Variants in GABRB1 observed in about 807,000 individuals in gnomAD.
GABRB1 encodes gamma-aminobutyric acid receptor subunit beta-1.
A neutral mutation model predicts 51.6 loss-of-function variants in GABRB1; 17 were observed. The observed-to-expected ratio is 0.33, with a 90% confidence interval of 0.23 to 0.49. The LOEUF is 0.49. Ranked by LOEUF, GABRB1 falls within the 20% of genes least tolerant of loss-of-function variation. The pLI, the probability that GABRB1 is intolerant of heterozygous loss-of-function variation, is 0.99. For synonymous variants in GABRB1, 247 were observed against 218.9 expected, an observed-to-expected ratio of 1.13 and a Z score of -1.14; for missense variants, 410 against 600.6, an observed-to-expected ratio of 0.68 and a Z score of 3.32.
At position 47,223,281 on chromosome 4, in the gene GABRB1, T is replaced by A. The variant is rs79128301; in HGVS notation, c.461+61812T>A. 8.6e-3 allele frequency among the ~76,000 whole-genome samples: 1,314 copies of A among 152,240 alleles called. 59 individuals carry two copies. Among genetic ancestry groups the A allele is most frequent in the Admixed American group, 0.068 (1,038 of 15,264 alleles). ...TTTTACTAAAAGATATCCAGTGGCA[T>A]CTACGCTAGTATTTTTCATTTGTTA... On this transcript the variant is annotated intron_variant, in intron 4 of 8. Coordinates refer to ENST00000295454, the MANE Select transcript of GABRB1 (RefSeq NM_000812.4).
intron 3 of GABRB1, among the ~76,000 whole-genome samples, chr4:47,088,357 A>T (rs577824947): frequency 3.7e-4 from 57 of 152,338 alleles, no homozygotes; most frequent in African/African-American, 1.3e-3. Flanking sequence ...AAAGAAAATA[A>T]TTTTAATTCA....
intron 3 of GABRB1, among the ~76,000 whole-genome samples, chr4:47,156,069 T>C (rs995608252): frequency 2.0e-5 from 3 of 151,628 alleles, no homozygotes; most frequent in Non-Finnish European, 4.4e-5. Flanking sequence ...TATTGTTTCA[T>C]TTCTTTTGGC....
chr4:47,177,018 C>T (rs1718732307), intron 4 of GABRB1, among the ~76,000 whole-genome samples: 1 of 152,136 alleles, frequency 6.6e-6, no homozygotes, highest in African/African-American at 2.4e-5. Context: ...TCATGGCCTA[C>T]AGGCTCAACC....
chr4:47,422,447 C>T (rs552040572), intron 8 of GABRB1, among the ~76,000 whole-genome samples: 1 of 152,314 alleles, frequency 6.6e-6, no homozygotes, highest in Non-Finnish European at 1.5e-5. Context: ...CCCTTGCAAT[C>T]CAGGTTCTGC....
intron 3 of GABRB1, among the ~76,000 whole-genome samples, chr4:47,069,896 T>A (rs1225986474): frequency 6.6e-6 from 1 of 152,164 alleles, no homozygotes; most frequent in Admixed American, 6.6e-5. Flanking sequence ...TTAGCCTCCG[T>A]TTCCGGTACT....
intron 5 of GABRB1, among the ~76,000 whole-genome samples, chr4:47,332,923 G>C (rs967704840): frequency 5.0e-4 from 76 of 151,670 alleles, no homozygotes; most frequent in Non-Finnish European, 7.8e-4. Flanking sequence ...TCCTCTGGCA[G>C]AAGGCTCCAT....
intron 4 of GABRB1, among the ~76,000 whole-genome samples, chr4:47,223,205 AT>A (rs1201355566): frequency 6.6e-6 from 1 of 151,994 alleles, no homozygotes; most frequent in Non-Finnish European, 1.5e-5. Flanking sequence ...TTTTTAATGT[AT>A]TTTTTACCAA....
chr4:47,309,591 A>G (rs538202738), intron 4 of GABRB1, among the ~76,000 whole-genome samples: 198 of 152,134 alleles, frequency 1.3e-3, no homozygotes, highest in Non-Finnish European at 2.4e-3. Context: ...ATATCTCCCA[A>G]TAGCTGAATT....
At chr4:47,130,431 G>A (rs1436196296) in intron 3 of GABRB1, among the ~76,000 whole-genome samples, 1 of 151,138 alleles carries the variant, frequency 6.6e-6, no homozygotes, top group East Asian at 2.0e-4. Flanking sequence ...TTCAGCTCCT[G>A]GAAAATACAG....
At chr4:47,209,912 C>T (rs1401393935) in intron 4 of GABRB1, among the ~76,000 whole-genome samples, 1 of 151,954 alleles carries the variant, frequency 6.6e-6, no homozygotes, top group Admixed American at 6.6e-5. Flanking sequence ...TCTGTTGTGC[C>T]CCTTCCCTCC....
chr4:47,305,506 CTG>C (rs1679414230), intron 4 of GABRB1, among the ~76,000 whole-genome samples: 1 of 152,072 alleles, frequency 6.6e-6, no homozygotes, highest in South Asian at 2.1e-4. Context: ...CACATCAATT[CTG>C]TGTCAGACAC....
intron 4 of GABRB1, among the ~76,000 whole-genome samples, chr4:47,170,782 C>T (rs1302460257): frequency 6.6e-6 from 1 of 152,102 alleles, no homozygotes; most frequent in African/African-American, 2.4e-5. Context: ...GAATAGGTAA[C>T]TCAGTTTATT....
chr4:47,211,627 C>A (rs1019623284), intron 4 of GABRB1, among the ~76,000 whole-genome samples: 4 of 152,182 alleles, frequency 2.6e-5, no homozygotes, highest in Non-Finnish European at 5.9e-5. Flanking sequence ...GCCTCTGTAA[C>A]AAATTACCCC....
intron 4 of GABRB1, among the ~76,000 whole-genome samples, chr4:47,226,995 T>C (rs1720966214): frequency 6.6e-6 from 1 of 152,158 alleles, no homozygotes; most frequent in South Asian, 2.1e-4. Flanking sequence ...TTATTTCAGT[T>C]CACTTTATTT....
chr4:47,302,217 A>G (rs1724287526), intron 4 of GABRB1, among the ~76,000 whole-genome samples: 1 of 152,160 alleles, frequency 6.6e-6, no homozygotes, highest in Non-Finnish European at 1.5e-5. Flanking sequence ...TAATATATGT[A>G]AAGTGCTTAG....
intron 1 of GABRB1, among the ~76,000 whole-genome samples, chr4:47,009,286 T>C (rs767002487): frequency 3.3e-5 from 5 of 151,366 alleles, no homozygotes; most frequent in Non-Finnish European, 7.4e-5. Context: ...GTTAAATATA[T>C]GTTTTTGTAT....
rs750683108 is a variant in GABRB1, at chr4:47,031,699, T to C, written c.48T>C (p.Pro16=). The change falls in exon 1 of 9, where the codon CCT becomes CCC. Residue 16 remains proline, a synonymous_variant. Transcript: ENST00000295454. ...AGAGTCTGGGGCTTCTCTCTTTCCCTGTGATGATTACCATGGTCTGTTGTG... is the reference window on the plus strand; with the variant it reads ...AGAGTCTGGGGCTTCTCTCTTTCCCCGTGATGATTACCATGGTCTGTTGTG... The part of the protein sequence containing the change: ...NRESLGLLSF[P]VMITMVCCAH... 1 of 1,614,066 alleles carries C rather than the reference T, an allele frequency of 6.2e-7. No homozygotes were observed. Among genetic ancestry groups the C allele is most frequent in the Admixed American group, 1.7e-5 (1 of 60,036 alleles).
chr4:47,397,572 T>A (rs1728219296), intron 5 of GABRB1, among the ~76,000 whole-genome samples: 1 of 152,122 alleles, frequency 6.6e-6, no homozygotes, highest in Admixed American at 6.6e-5. Context: ...TTCTACTTTT[T>A]TTTTTCTTTT....
chr4:47,328,220 T>C (rs1235619705), intron 5 of GABRB1, among the ~76,000 whole-genome samples: 1 of 152,226 alleles, frequency 6.6e-6, no homozygotes, highest in Non-Finnish European at 1.5e-5. Context: ...TAGCCCTTTG[T>C]CAGATGAGTA....
Sources: gnomAD v4.1 joint callset for allele counts (sites outside exome capture counted in the v4.1 genomes callset) on GRCh38, gnomAD v4.1.1 for gene constraint, MANE v1.5 for transcripts, NCBI Gene and HGNC (gene_info 2026-07-23, HGNC 2026-07-21) for gene names.